Variants in CNRIP1 observed in about 807,000 individuals in gnomAD.
CNRIP1 encodes CB1 cannabinoid receptor-interacting protein 1.
A neutral mutation model predicts 15.2 loss-of-function variants in CNRIP1; 10 were observed. That is an observed-to-expected ratio of 0.66 (90% CI 0.41 to 1.12). The LOEUF (loss-of-function observed/expected upper bound fraction) is 1.12. CNRIP1 is among the 50% of genes most tolerant of loss of function. The pLI is 0.00. For synonymous variants in CNRIP1, 91 were observed against 83.2 expected (o/e 1.09, Z -0.51); for missense variants, 211 against 214.7 (o/e 0.98, Z 0.11).
rs1329532373 is a variant in CNRIP1, at chr2:68,319,212, C to T, written c.179+10G>A. 1.3e-6 allele frequency: 2 copies of T among 1,538,546 alleles called. No homozygotes were observed. Among genetic ancestry groups the T allele is most frequent in the East Asian group, 5.0e-5 (2 of 40,374 alleles). On this transcript the variant is annotated intron_variant, in intron 1 of 2. Transcript: ENST00000263655. Reference sequence around the variant, plus strand: ...GGGGACCCTGCTGCCACCAGGCGCCCCGCACTCACTCGACCTGCAGCGTGC... The same window carrying T: ...GGGGACCCTGCTGCCACCAGGCGCCTCGCACTCACTCGACCTGCAGCGTGC...
chr2:68,292,856 A>AT (rs1440002540), downstream of CNRIP1, among the ~76,000 whole-genome samples: 2 of 152,164 alleles, frequency 1.3e-5, no homozygotes, highest in Admixed American at 1.3e-4. Context: ...CAATCCTGCT[A>AT]AAAGGTCAGG....
chr2:68,312,453 G>C (rs1558668890), intron 2 of CNRIP1, among the ~76,000 whole-genome samples: 1 of 152,052 alleles, frequency 6.6e-6, no homozygotes, highest in Non-Finnish European at 1.5e-5. Flanking sequence ...AGGAATAGAA[G>C]AGAACTCCTT....
chr2:68,304,401 C>CAAAA lies in CNRIP1; in HGVS notation c.331-10379_331-10376dup, dbSNP rs34952922. Among the ~76,000 whole-genome samples the CAAAA allele has an allele frequency of 1.8e-3, 264 of 148,326 alleles. 1 individual carries two copies. Among genetic ancestry groups the CAAAA allele is most frequent in the African/African-American group, 6.3e-3 (254 of 40,226 alleles). ...TGGGTGACAGAGTGAGACTCCATCTCAAAAAAAAAATAAAGTTGGAGAGCC... is the reference window on the plus strand; with the variant it reads ...TGGGTGACAGAGTGAGACTCCATCTCAAAAAAAAAAAAAATAAAGTTGGAGAGCC... On this transcript the variant is annotated intron_variant, in intron 2 of 2. Transcript: ENST00000263655.
downstream of CNRIP1, among the ~76,000 whole-genome samples, chr2:68,291,954 A>T (rs565408777): frequency 2.6e-5 from 4 of 151,938 alleles, no homozygotes; most frequent in Non-Finnish European, 4.4e-5. Context: ...ACAAATACTC[A>T]AGCTCTAGTC....
chr2:68,303,906 GTC>G (rs1386846421), intron 2 of CNRIP1, among the ~76,000 whole-genome samples: 2 of 152,032 alleles, frequency 1.3e-5, no homozygotes, highest in African/African-American at 4.8e-5. Context: ...GTGAAACCCT[GTC>G]TCTACTAAAA....
At chr2:68,317,801 G>A (rs1257823652) in intron 1 of CNRIP1, among the ~76,000 whole-genome samples, 1 of 152,078 alleles carries the variant, frequency 6.6e-6, no homozygotes, top group Non-Finnish European at 1.5e-5. Context: ...AAATTCTTAG[G>A]CCCTACCATA....
At chr2:68,301,893 CA>C (rs61613452) in intron 2 of CNRIP1, among the ~76,000 whole-genome samples, 1,181 of 74,210 alleles carry the variant, frequency 0.016, 4 homozygotes, top group African/African-American at 0.05. Context: ...GTCTCCGTCT[CA>C]AAAAAAAAAA....
chr2:68,302,192 T>C (rs1158504560), intron 2 of CNRIP1, among the ~76,000 whole-genome samples: 1 of 152,224 alleles, frequency 6.6e-6, no homozygotes, highest in African/African-American at 2.4e-5. Context: ...TATGATTATC[T>C]CTTACACATT....
At chr2:68,296,739 G>C (rs1671375235) in intron 2 of CNRIP1, among the ~76,000 whole-genome samples, 1 of 152,154 alleles carries the variant, frequency 6.6e-6, no homozygotes. Context: ...CCGGGTTCAA[G>C]CAATTCTCCT....
At chr2:68,284,411 C>T in exon 3 of CNRIP1, 1 of 1,470,734 alleles carries the variant, frequency 6.8e-7, no homozygotes, top group Non-Finnish European at 9.0e-7. Flanking sequence ...CATGATGGCA[C>T]ACATTGAAGA....
chr2:68,315,896 C>T (rs955320581), intron 2 of CNRIP1: 34 of 152,074 alleles, frequency 2.2e-4, no homozygotes, highest in African/African-American at 8.0e-4. Flanking sequence ...CAGGCTCACA[C>T]ATATATATTC....
downstream of CNRIP1, among the ~76,000 whole-genome samples, chr2:68,291,486 G>T (rs112243405): frequency 0.034 from 5,181 of 152,138 alleles, 110 homozygotes; most frequent in Admixed American, 0.079. Flanking sequence ...TGGCTCGTTT[G>T]TGGGACACTG....
At chr2:68,313,491 G>A (rs920423539) in intron 2 of CNRIP1, among the ~76,000 whole-genome samples, 3 of 152,084 alleles carry the variant, frequency 2.0e-5, no homozygotes, top group African/African-American at 4.8e-5. Context: ...ATGCTACCCA[G>A]AAATAAAATG....
intron 2 of CNRIP1, among the ~76,000 whole-genome samples, chr2:68,299,618 C>T (rs1039516891): frequency 6.6e-6 from 1 of 152,214 alleles, no homozygotes; most frequent in Non-Finnish European, 1.5e-5. Context: ...CAATCTATGG[C>T]ATTTTGTTTT....
chr2:68,286,279 T>C lies in CNRIP1; in HGVS notation c.331-1795A>G, dbSNP rs79894046. 7.9e-3 allele frequency among the ~76,000 whole-genome samples: 1,192 copies of C among 151,728 alleles called. 21 individuals are homozygous for C. Among genetic ancestry groups the C allele is most frequent in the African/African-American group, 0.027 (1,123 of 41,308 alleles). On this transcript the variant is annotated intron_variant, in intron 2 of 2. Coordinates refer to the CNRIP1 transcript ENST00000409559. ...TGGCCATATGAGTTACATTTCAAAG[T>C]GTAACCATCTAGATTTGGGGAAATT...
chr2:68,293,814 A>G lies in CNRIP1; in HGVS notation c.*48T>C, dbSNP rs1671246860. The G allele has an allele frequency of 6.3e-7, 1 of 1,596,494 alleles. No homozygotes were observed. Among genetic ancestry groups the G allele is most frequent in the Admixed American group, 1.7e-5 (1 of 58,540 alleles). ...TTAAGGCCTGCGCTGGTTTATCTAA[A>G]AGTAGATTTCTGAAAAGATTGTCCA... On this transcript the variant is annotated 3_prime_UTR_variant, in exon 3 of 3. Transcript: ENST00000263655.
intron 2 of CNRIP1, among the ~76,000 whole-genome samples, chr2:68,305,222 C>A (rs1323354130): frequency 1.6e-5 from 2 of 123,520 alleles, no homozygotes; most frequent in Non-Finnish European, 3.3e-5. Flanking sequence ...CCAGCCTGGG[C>A]AACAAGAGTG....
At chr2:68,289,812 A>G (rs2103880794), downstream of CNRIP1, among the ~76,000 whole-genome samples, 1 of 152,172 alleles carries the variant, frequency 6.6e-6, no homozygotes, top group East Asian at 1.9e-4. Flanking sequence ...TATACCAAAT[A>G]ATGATATTAT....
chr2:68,285,455 A>C (rs565314118), intron 2 of CNRIP1, among the ~76,000 whole-genome samples: 1 of 152,186 alleles, frequency 6.6e-6, no homozygotes, highest in Admixed American at 6.5e-5. Flanking sequence ...CAGAAGGCAG[A>C]ATATTCGTGA....
Sources: gnomAD v4.1 joint callset for allele counts (sites outside exome capture counted in the v4.1 genomes callset) on GRCh38, gnomAD v4.1.1 for gene constraint, MANE v1.5 for transcripts, NCBI Gene and HGNC (gene_info 2026-07-23, HGNC 2026-07-21) for gene names.